The following GBE1 variants were observed in gnomAD, a reference collection of about 807,000 sequenced individuals.
GBE1 encodes 1,4-alpha-glucan branching enzyme 1.
Under a neutral mutation model 88.8 loss-of-function variants are expected in GBE1, and 70 were observed. That is an observed-to-expected ratio of 0.79 (90% confidence interval 0.65 to 0.96). The LOEUF (loss-of-function observed/expected upper bound fraction) is 0.96. Ranked by LOEUF, GBE1 falls within the 40% of genes least tolerant of loss-of-function variation. The pLI is 0.00. For synonymous variants in GBE1, 284 were observed against 300.1 expected (o/e 0.95, Z 0.56); for missense variants, 872 against 871.0 (o/e 1.00, Z -0.01).
At chr3:81,705,365 A>C (rs763425809) in intron 2 of GBE1, 79 bp downstream of exon 2, 21 of 1,049,368 alleles carry the variant, frequency 2.0e-5, no homozygotes, top group Non-Finnish European at 2.7e-5. Flanking sequence ...ATATGGTTAA[A>C]TACATGAAAT....
intron 1 of GBE1, among the ~76,000 whole-genome samples, chr3:81,715,565 A>C (rs924882431): frequency 2.0e-5 from 3 of 152,198 alleles, no homozygotes; most frequent in Non-Finnish European, 4.4e-5. Context: ...GAGTTGTTTC[A>C]TATATGGAAT....
intron 5 of GBE1, 149 bp downstream of exon 5, chr3:81,648,707 A>G: frequency 4.4e-6 from 2 of 450,522 alleles, no homozygotes; most frequent in Non-Finnish European, 3.9e-6. Context: ...TCACTATTAC[A>G]GGGCAATTTG....
chr3:81,611,199 A>G (rs899078556), intron 7 of GBE1, among the ~76,000 whole-genome samples: 5 of 152,176 alleles, frequency 3.3e-5, no homozygotes, highest in Admixed American at 3.3e-4. Context: ...TTTCAAGTAT[A>G]AAATAGCAAA....
At chr3:81,676,067 T>A (rs1327431661) in intron 2 of GBE1, among the ~76,000 whole-genome samples, 2 of 152,164 alleles carry the variant, frequency 1.3e-5, no homozygotes, top group Non-Finnish European at 2.9e-5. Flanking sequence ...TTCTCTAGCT[T>A]ACTTAGTTGT....
chr3:81,721,374 T>G (rs974647108), intron 1 of GBE1, among the ~76,000 whole-genome samples: 2 of 151,738 alleles, frequency 1.3e-5, no homozygotes, highest in Non-Finnish European at 2.9e-5. Context: ...AAACTTTAAA[T>G]TCACCTAAGC....
chr3:81,576,384 A>T (rs1452839845), intron 12 of GBE1, among the ~76,000 whole-genome samples: 1 of 152,222 alleles, frequency 6.6e-6, no homozygotes. Context: ...ACAGATACAT[A>T]AGGATTTCCT....
At chr3:81,579,723 T>C (rs1703695407) in intron 11 of GBE1, among the ~76,000 whole-genome samples, 1 of 152,066 alleles carries the variant, frequency 6.6e-6, no homozygotes, top group South Asian at 2.1e-4. Context: ...TTCTTCTTTT[T>C]TAGATAAGTA....
intron 3 of GBE1, among the ~76,000 whole-genome samples, chr3:81,658,664 T>C (rs1334980132): frequency 6.6e-6 from 1 of 152,184 alleles, no homozygotes; most frequent in African/African-American, 2.4e-5. Flanking sequence ...GTTTTCTTTC[T>C]CTGCTTTTCT....
intron 2 of GBE1, among the ~76,000 whole-genome samples, chr3:81,689,640 A>G (rs1705489933): frequency 6.6e-6 from 1 of 152,202 alleles, no homozygotes; most frequent in South Asian, 2.1e-4. Context: ...TCTCACACAC[A>G]GCCTCCCATC....
At chr3:81,671,315 C>T (rs1407386634) in intron 2 of GBE1, among the ~76,000 whole-genome samples, 2 of 151,992 alleles carry the variant, frequency 1.3e-5, no homozygotes, top group Non-Finnish European at 2.9e-5. Context: ...AACAAATGTA[C>T]ATGCCATGGT....
chr3:81,758,018 C>G (rs1213645595), intron 1 of GBE1, among the ~76,000 whole-genome samples: 5 of 152,072 alleles, frequency 3.3e-5, no homozygotes, highest in Non-Finnish European at 7.4e-5. Context: ...AGAAATAGTC[C>G]AACATGTACA....
At chr3:81,630,585 G>C (rs1295805956) in intron 7 of GBE1, among the ~76,000 whole-genome samples, 1 of 152,082 alleles carries the variant, frequency 6.6e-6, no homozygotes, top group Non-Finnish European at 1.5e-5. Context: ...AAACAACTCA[G>C]GTAGGTGAAT....
chr3:81,575,293 T>C (rs1330723899), intron 12 of GBE1, among the ~76,000 whole-genome samples: 1 of 152,154 alleles, frequency 6.6e-6, no homozygotes, highest in Non-Finnish European at 1.5e-5. Flanking sequence ...AATCTATTTA[T>C]TCATAAAACC....
At chr3:81,522,780 T>C (rs1702892942) in intron 14 of GBE1, among the ~76,000 whole-genome samples, 1 of 151,552 alleles carries the variant, frequency 6.6e-6, no homozygotes, top group South Asian at 2.1e-4. Context: ...ACAGGCAAAA[T>C]GTGGGAAATA....
chr3:81,560,041 T>C (rs1302867056), intron 12 of GBE1, among the ~76,000 whole-genome samples: 1 of 152,012 alleles, frequency 6.6e-6, no homozygotes, highest in African/African-American at 2.4e-5. Flanking sequence ...ATGAGAGTCT[T>C]GCTTTAATAA....
In GBE1 at chr3:81,761,560, G is replaced by A. The variant is rs1306875578; in HGVS notation, c.-43C>T. ...GTAGCCGAGGCCCGAGAGGTCGAGT[G>A]GGGCCTGAGCGGGCGCTGGAGCTCT... is the stretch of plus-strand genomic sequence containing the variant. On this transcript the variant is annotated 5_prime_UTR_variant, in exon 1 of 16. Transcript: ENST00000429644. 2.0e-5 allele frequency: 32 copies of A among 1,575,148 alleles called. No homozygotes were observed. Among genetic ancestry groups the A allele is most frequent in the South Asian group, 1.0e-4 (9 of 87,650 alleles).
At chr3:81,741,899 A>G (rs1294054652) in intron 1 of GBE1, among the ~76,000 whole-genome samples, 2 of 148,794 alleles carry the variant, frequency 1.3e-5, no homozygotes, top group Non-Finnish European at 3.0e-5. Flanking sequence ...TAGAGCTCTA[A>G]TTTTAGTTTA....
chr3:81,514,644 G>C (rs1702772433), intron 14 of GBE1, among the ~76,000 whole-genome samples: 1 of 151,484 alleles, frequency 6.6e-6, no homozygotes, highest in Non-Finnish European at 1.5e-5. Flanking sequence ...TTTGGTTGCA[G>C]CTTTCAAAAA....
intron 2 of GBE1, among the ~76,000 whole-genome samples, chr3:81,685,893 A>G (rs1705430497): frequency 6.6e-6 from 1 of 152,130 alleles, no homozygotes; most frequent in African/African-American, 2.4e-5. Flanking sequence ...CCTAACTGCC[A>G]TCTCTACTTC....
Sources: allele counts gnomAD v4.1 joint callset (sites outside exome capture counted in the v4.1 genomes callset), GRCh38; gene constraint gnomAD v4.1.1; transcripts MANE v1.5; gene names NCBI Gene and HGNC (gene_info 2026-07-23, HGNC 2026-07-21).